The following DPYD variants were observed in gnomAD, a reference collection of about 807,000 sequenced individuals.
DPYD encodes the protein dihydropyrimidine dehydrogenase [NADP(+)].
In DPYD, 109 loss-of-function variants were observed where a neutral mutation model predicts 116.2. The ratio of observed to expected loss-of-function variants is 0.94; its 90% CI spans 0.80 to 1.10. The LOEUF is 1.10. DPYD is among the 50% of genes least tolerant of loss of function. DPYD has a pLI of 0.00. For synonymous variants in DPYD, 440 were observed against 432.0 expected (o/e 1.02, Z -0.23); for missense variants, 1,302 against 1,254.5 (o/e 1.04, Z -0.57).
intron 18 of DPYD, among the ~76,000 whole-genome samples, chr1:97,288,720 C>T (rs370345886): frequency 7.1e-6 from 1 of 141,522 alleles, no homozygotes; most frequent in Non-Finnish European, 1.5e-5. Context: ...ACTAAATGCC[C>T]ACAAGAGAAA....
At chr1:97,916,904 C>G (rs975642091) in intron 1 of DPYD, among the ~76,000 whole-genome samples, 1 of 152,066 alleles carries the variant, frequency 6.6e-6, no homozygotes, top group Non-Finnish European at 1.5e-5. Context: ...TATGCAGTAC[C>G]TTAAAACTAC....
chr1:97,677,907 G>C (rs1660229563), intron 8 of DPYD, among the ~76,000 whole-genome samples: 3 of 152,182 alleles, frequency 2.0e-5, no homozygotes, highest in African/African-American at 7.2e-5. Flanking sequence ...ATTACTCAGT[G>C]TGTGATCACT....
intron 19 of DPYD, among the ~76,000 whole-genome samples, chr1:97,232,329 A>T (rs928799150): frequency 6.6e-6 from 1 of 152,076 alleles, no homozygotes; most frequent in East Asian, 1.9e-4. Flanking sequence ...TCGAGGTTTT[A>T]TCTTTTTCTT....
chr1:97,520,921 T>G (rs886157262), intron 12 of DPYD, among the ~76,000 whole-genome samples: 3 of 151,376 alleles, frequency 2.0e-5, no homozygotes, highest in African/African-American at 7.3e-5. Context: ...TTGTGAATAG[T>G]GCTTCAATAA....
intron 18 of DPYD, among the ~76,000 whole-genome samples, chr1:97,266,803 A>G (rs1270367520): frequency 1.3e-5 from 2 of 151,872 alleles, no homozygotes; most frequent in Admixed American, 1.3e-4. Flanking sequence ...CCTTGTGATA[A>G]TTTGCTCAGA....
At chr1:97,346,972 G>C (rs1036535350) in intron 16 of DPYD, among the ~76,000 whole-genome samples, 1 of 151,642 alleles carries the variant, frequency 6.6e-6, no homozygotes, top group African/African-American at 2.4e-5. Context: ...TTGGTGATTT[G>C]GGGCCTTTTA....
intron 21 of DPYD, among the ~76,000 whole-genome samples, chr1:97,097,777 TGAATA>T (rs1189678108): frequency 1.3e-5 from 2 of 152,052 alleles, no homozygotes; most frequent in Non-Finnish European, 2.9e-5. Flanking sequence ...TGGAAAAACT[TGAATA>T]GGATTGGTAG....
At chr1:97,804,098 T>TA (rs1050761521) in intron 3 of DPYD, among the ~76,000 whole-genome samples, 1 of 151,784 alleles carries the variant, frequency 6.6e-6, no homozygotes, top group African/African-American at 2.4e-5. Context: ...CACAGTCTAT[T>TA]AAAAAAACAA....
intron 8 of DPYD, among the ~76,000 whole-genome samples, chr1:97,643,022 A>G (rs1274470714): frequency 6.6e-6 from 1 of 152,118 alleles, no homozygotes; most frequent in Non-Finnish European, 1.5e-5. Context: ...GGACATAGGC[A>G]TGGACAAAGA....
chr1:97,446,503 G>C (rs1042884199), intron 14 of DPYD, among the ~76,000 whole-genome samples: 5 of 152,074 alleles, frequency 3.3e-5, no homozygotes, highest in Non-Finnish European at 2.9e-5. Context: ...AATTAACCGA[G>C]GAAGTGTTTT....
At chr1:97,859,976 G>T (rs1255313553) in intron 2 of DPYD, among the ~76,000 whole-genome samples, 3 of 151,632 alleles carry the variant, frequency 2.0e-5, no homozygotes, top group Non-Finnish European at 4.4e-5. Flanking sequence ...GTAACCATTT[G>T]ATATTTTTCC....
chr1:97,694,618 A>T (rs1056874415), intron 6 of DPYD, among the ~76,000 whole-genome samples: 1 of 152,284 alleles, frequency 6.6e-6, no homozygotes, highest in African/African-American at 2.4e-5. Context: ...GTCCTCAGAC[A>T]ACCCCATTTT....
chr1:97,326,374 C>T (rs898749041), intron 16 of DPYD, among the ~76,000 whole-genome samples: 3 of 151,752 alleles, frequency 2.0e-5, no homozygotes, highest in African/African-American at 7.3e-5. Flanking sequence ...AAATCTGGAT[C>T]TCAGAAAGGA....
intron 13 of DPYD, among the ~76,000 whole-genome samples, chr1:97,514,979 TACTA>T (rs1482173981): frequency 1.4e-4 from 22 of 152,088 alleles, no homozygotes; most frequent in South Asian, 1.2e-3. Context: ...CATTAATTAT[TACTA>T]ACTACCAGTT....
rs148971538 is a variant in DPYD at position 97,804,344 on chromosome 1, C to T, written c.233+23770G>A. ...TATAGAATTTTCTCAGAAATAGACACGCTTGTGAGTAGTGAAACAATTGAA... is the reference window on the plus strand; with the variant it reads ...TATAGAATTTTCTCAGAAATAGACATGCTTGTGAGTAGTGAAACAATTGAA... On this transcript the variant is annotated intron_variant, in intron 3 of 22. Coordinates refer to ENST00000370192, the MANE Select transcript of DPYD (RefSeq NM_000110.4). Among the ~76,000 whole-genome samples, 30 of 151,748 alleles carry T rather than the reference C, an allele frequency of 2.0e-4. No homozygotes were observed. In the East Asian group the frequency reaches 3.1e-3, roughly 16 times the overall value.
intron 20 of DPYD, among the ~76,000 whole-genome samples, chr1:97,151,983 C>T (rs1655060410): frequency 6.6e-6 from 1 of 152,136 alleles, no homozygotes; most frequent in Non-Finnish European, 1.5e-5. Flanking sequence ...AGCCTGTCCT[C>T]ATCAAAAATA....
intron 18 of DPYD, 127 bp downstream of exon 18, chr1:97,305,132 G>T (rs1667080535): frequency 7.5e-7 from 1 of 1,340,140 alleles, no homozygotes; most frequent in Non-Finnish European, 1.1e-6. Context: ...ATAACTATTA[G>T]GAATATTGAT....
chr1:97,250,370 C>T (rs1663006987), intron 18 of DPYD, among the ~76,000 whole-genome samples: 1 of 152,100 alleles, frequency 6.6e-6, no homozygotes, highest in South Asian at 2.1e-4. Context: ...TATCCTATCA[C>T]CCAGCAATTT....
intron 7 of DPYD, among the ~76,000 whole-genome samples, chr1:97,687,489 C>G (rs902797278): frequency 1.3e-5 from 2 of 151,966 alleles, no homozygotes; most frequent in Admixed American, 6.6e-5. Context: ...CAGATGCTGG[C>G]GAGGCTGTGG....
Sources: gnomAD v4.1 joint callset for allele counts (sites outside exome capture counted in the v4.1 genomes callset) on GRCh38, gnomAD v4.1.1 for gene constraint, MANE v1.5 for transcripts, NCBI Gene and HGNC (gene_info 2026-07-23, HGNC 2026-07-21) for gene names.